TMEM242: variants seen among roughly 807,000 people sequenced by gnomAD.
TMEM242 encodes the protein UPF0463 transmembrane protein C6orf35.
A neutral mutation model predicts 18.2 loss-of-function variants in TMEM242; 10 were observed. That is an observed-to-expected ratio of 0.55 (90% CI 0.34 to 0.93). The LOEUF (loss-of-function observed/expected upper bound fraction) is 0.93, where lower values mean the gene tolerates loss of function less well. TMEM242 is among the 40% of genes least tolerant of loss of function. The probability of loss-of-function intolerance (pLI) is 0.02; values close to 1 mark genes in which losing one functional copy is unlikely to be tolerated. For missense variants in TMEM242, 186 were observed against 175.5 expected (o/e 1.06, Z -0.34); for synonymous variants, 57 against 69.9 (o/e 0.81, Z 0.92).
At chr6:157,299,170 C>A in intron 3 of TMEM242, 1 of 495,034 alleles carries the variant, frequency 2.0e-6, no homozygotes, top group South Asian at 1.6e-5. Flanking sequence ...TCATCTATTC[C>A]ACAGAGACCC....
At chr6:157,316,672 C>T (rs1301934648) in intron 3 of TMEM242, among the ~76,000 whole-genome samples, 3 of 151,974 alleles carry the variant, frequency 2.0e-5, no homozygotes, top group Admixed American at 6.6e-5. Flanking sequence ...TCCAGGAGTT[C>T]GCAACCAGCC....
chr6:157,300,725 G>GCA (rs1554247474), intron 3 of TMEM242, among the ~76,000 whole-genome samples: 17 of 152,320 alleles, frequency 1.1e-4, no homozygotes, highest in African/African-American at 4.1e-4. Context: ...GGCCCGCTGG[G>GCA]AGTCATCCCA....
At chr6:157,295,106 T>A (rs1430457393) in intron 3 of TMEM242, among the ~76,000 whole-genome samples, 1 of 152,266 alleles carries the variant, frequency 6.6e-6, no homozygotes, top group African/African-American at 2.4e-5. Context: ...GAATGTCTGT[T>A]AAGTACATTA....
chr6:157,322,632 A>AT, intron 2 of TMEM242, 73 bp downstream of exon 2: 2 of 1,284,410 alleles, frequency 1.6e-6, no homozygotes, highest in Admixed American at 2.1e-5. Flanking sequence ...TCAATATTTT[A>AT]TTTTTTCTAC....
chr6:157,310,418 G>A (rs111345005), intron 3 of TMEM242, among the ~76,000 whole-genome samples: 329 of 3,780 alleles, frequency 0.087, no homozygotes, highest in African/African-American at 0.17. Context: ...GCACTCACCT[G>A]GCCTCATCAT....
At chr6:157,322,662 G>A in intron 2 of TMEM242, 43 bp downstream of exon 2, 1 of 1,545,488 alleles carries the variant, frequency 6.5e-7, no homozygotes, top group Non-Finnish European at 8.8e-7. Context: ...GCCATATATT[G>A]TAAACAATAA....
intron 3 of TMEM242, among the ~76,000 whole-genome samples, chr6:157,315,526 C>A (rs587687567): frequency 2.6e-5 from 4 of 152,228 alleles, no homozygotes; most frequent in African/African-American, 9.6e-5. Flanking sequence ...TTTACTTAGA[C>A]ATAAAGATGT....
In TMEM242 at chr6:157,318,873, G is replaced by A. The variant is rs782428350; in HGVS notation, c.236C>T (p.Ala79Val). Reference protein sequence around the residue: ...AALPESGSSLALRALGWGSLY... With the variant: ...AALPESGSSLVLRALGWGSLY... ...GGAGCCCCAGCCCAGAGCTCGCAAG[G>A]CAAGGGAAGACCCGCTTTCCGGTAA... Residue 79 changes from alanine (A) to valine (V), a missense_variant, in exon 3 of 4, where the codon GCC becomes GTC. Coordinates refer to ENST00000400788, the MANE Select transcript of TMEM242 (RefSeq NM_018452.6). 8 of 1,612,218 alleles carry A rather than the reference G, an allele frequency of 5.0e-6. No individual in the cohort carries two copies. The highest frequency in any genetic ancestry group is 3.3e-4 in the Middle Eastern group (2 of 6,058).
intron 2 of TMEM242, among the ~76,000 whole-genome samples, chr6:157,319,464 T>C (rs959588508): frequency 6.6e-6 from 1 of 152,244 alleles, no homozygotes; most frequent in South Asian, 2.1e-4. Context: ...TCTATTTTAA[T>C]AGATCGACCA....
intron 3 of TMEM242, among the ~76,000 whole-genome samples, chr6:157,312,675 C>A (rs797029278): frequency 2.5e-3 from 319 of 125,450 alleles, no homozygotes; most frequent in South Asian, 7.9e-3. Flanking sequence ...AGGGTGCACT[C>A]ACCTAGCCTC....
At chr6:157,297,016 G>A (rs974426781) in intron 3 of TMEM242, among the ~76,000 whole-genome samples, 9 of 152,090 alleles carry the variant, frequency 5.9e-5, no homozygotes, top group South Asian at 2.1e-4. Flanking sequence ...TGTTATTCTC[G>A]TTCACATTTC....
At chr6:157,310,498 G>A (rs1033829637) in intron 3 of TMEM242, among the ~76,000 whole-genome samples, 1 of 14,966 alleles carries the variant, frequency 6.7e-5, no homozygotes, top group Non-Finnish European at 1.6e-4. Flanking sequence ...CCTCATCATA[G>A]TGTCCCAGTG....
chr6:157,307,751 G>A (rs1777935115), intron 3 of TMEM242, among the ~76,000 whole-genome samples: 1 of 152,142 alleles, frequency 6.6e-6, no homozygotes, highest in Non-Finnish European at 1.5e-5. Flanking sequence ...ATATTCCCCA[G>A]TCCTCAAGCT....
chr6:157,311,599 G>C (rs1554248871), intron 3 of TMEM242, among the ~76,000 whole-genome samples: 14 of 112,250 alleles, frequency 1.2e-4, no homozygotes, highest in African/African-American at 1.8e-4. Flanking sequence ...CCCTCACCTA[G>C]CCTCATCATA....
intron 3 of TMEM242, among the ~76,000 whole-genome samples, chr6:157,303,975 G>A (rs1244128544): frequency 6.6e-6 from 1 of 152,018 alleles, no homozygotes; most frequent in East Asian, 1.9e-4. Flanking sequence ...AGCAATGCTG[G>A]GATCAACTTC....
intron 3 of TMEM242, among the ~76,000 whole-genome samples, chr6:157,312,354 C>A (rs1343155093): frequency 5.6e-3 from 671 of 120,588 alleles, no homozygotes; most frequent in Non-Finnish European, 9.1e-3. Flanking sequence ...CTAGCCTCAT[C>A]ATGTCCCAGT....
intron 2 of TMEM242, among the ~76,000 whole-genome samples, chr6:157,321,082 T>TA (rs1562389372): frequency 1.3e-5 from 2 of 151,020 alleles, no homozygotes. Context: ...AATCTCGGCT[T>TA]ACTGCAAGCT....
At position 157,291,041 on chromosome 6, in the gene TMEM242, G is replaced by C. The variant is rs1554246811; in HGVS notation, c.*1860C>G. 6.6e-6 allele frequency: 1 copy of C among 152,304 alleles called. No individual in the cohort carries two copies. Among genetic ancestry groups the C allele is most frequent in the African/African-American group, 2.4e-5 (1 of 41,462 alleles). 9.4% of individuals were successfully genotyped at this position (152,304 alleles called of 1,614,324 possible). ...CCTAGGGCCTAGCTGCCATCAGCCT[G>C]ATGTGCAGCAGCCTCTGCAGCGGTG... On this transcript the variant is annotated 3_prime_UTR_variant, in exon 4 of 4. Transcript: ENST00000400788.
chr6:157,310,254 T>C (rs1554248241), intron 3 of TMEM242, among the ~76,000 whole-genome samples: 1 of 152,188 alleles, frequency 6.6e-6, no homozygotes, highest in African/African-American at 2.4e-5. Flanking sequence ...TTCTTTTTCT[T>C]CTTTGATAGT....
Sources: gnomAD v4.1 joint callset for allele counts (sites outside exome capture counted in the v4.1 genomes callset) on GRCh38, gnomAD v4.1.1 for gene constraint, MANE v1.5 for transcripts, NCBI Gene and HGNC (gene_info 2026-07-23, HGNC 2026-07-21) for gene names.